The following SNTA1 variants were observed in gnomAD, a reference collection of about 807,000 sequenced individuals.
SNTA1 encodes the protein alpha-1-syntrophin.
Under a neutral mutation model 47.1 loss-of-function variants are expected in SNTA1, and 31 were observed. The ratio of observed to expected loss-of-function variants is 0.66; its 90% CI spans 0.49 to 0.89. The LOEUF (loss-of-function observed/expected upper bound fraction) is 0.89. SNTA1 is among the 40% of genes least tolerant of loss of function. The probability of loss-of-function intolerance (pLI) is 0.00; values close to 1 mark genes in which losing one functional copy is unlikely to be tolerated. For missense variants in SNTA1, 575 were observed against 693.0 expected (o/e 0.83, Z 1.91); for synonymous variants, 300 against 313.6 (o/e 0.96, Z 0.46).
At chr20:33,435,181 G>A (rs910593416) in intron 2 of SNTA1, among the ~76,000 whole-genome samples, 17 of 149,702 alleles carry the variant, frequency 1.1e-4, no homozygotes, top group African/African-American at 4.1e-4. Context: ...TAGTAGAGAC[G>A]GGGTTTCGCC....
chr20:33,443,204 C>T lies in SNTA1; in HGVS notation c.310+107G>A, dbSNP rs1329681966. ...CTGTTTCCTCAGACCCCCCTTACCC[C>T]CAGACAGGAAGCCTCCAGCTCCATG... On this transcript the variant is annotated intron_variant, in intron 1 of 7. Coordinates refer to ENST00000217381, the MANE Select transcript of SNTA1 (RefSeq NM_003098.3). 9.2e-6 allele frequency: 8 copies of T among 865,024 alleles called. No individual in the cohort carries two copies. The South Asian group carries it at 1.5e-4, about 16-fold the overall frequency. 53.6% of individuals were successfully genotyped at this position (865,024 alleles called of 1,614,324 possible).
intron 2 of SNTA1, among the ~76,000 whole-genome samples, chr20:33,429,366 A>AT (rs1990240738): frequency 9.3e-6 from 1 of 107,504 alleles, no homozygotes; most frequent in East Asian, 2.9e-4. Context: ...AAAAAAAAAA[A>AT]TTGGGTCAGG....
chr20:33,408,315 G>A lies in SNTA1; in HGVS notation c.*192C>T. On this transcript the variant is annotated 3_prime_UTR_variant, in exon 8 of 8. Coordinates refer to ENST00000217381, the MANE Select transcript of SNTA1 (RefSeq NM_003098.3). ...CAGGAAGGCCACCCCATCACAGGCA[G>A]AGTCCACTCTGTCCTGCGTCTGGGT... 1.6e-6 allele frequency: 1 copy of A among 626,866 alleles called. No individual in the cohort carries two copies. The highest frequency in any genetic ancestry group is 1.8e-5 in the South Asian group (1 of 56,174). 38.8% of individuals were successfully genotyped at this position (626,866 alleles called of 1,614,324 possible). A position where few individuals can be genotyped will look rare whatever the true frequency, so the allele number is the denominator to read the frequency against.
intron 2 of SNTA1, among the ~76,000 whole-genome samples, chr20:33,429,774 T>G (rs1990254382): frequency 6.6e-6 from 1 of 152,138 alleles, no homozygotes; most frequent in Non-Finnish European, 1.5e-5. Context: ...CCACTTATTT[T>G]TTTTTCGAGA....
Position 33,412,679 on chromosome 20 carries a change from T to C in SNTA1, c.805A>G (p.Asn269Asp). Reference protein sequence around the residue: ...SWATAIQAQVNTLTPRVKDEL... With the variant: ...SWATAIQAQVDTLTPRVKDEL... ...TCCTTGACCCGCGGCGTCAGAGTAT[T>C]GACCTGGGCTTGGATGGCAGTCGCC... Residue 269 changes from asparagine (N) to aspartate (D), a missense_variant, in exon 4 of 8, where the codon AAT becomes GAT. Coordinates refer to ENST00000217381, the MANE Select transcript of SNTA1 (RefSeq NM_003098.3). 6.2e-7 allele frequency: 1 copy of C among 1,613,884 alleles called. No homozygotes were observed. The highest frequency in any genetic ancestry group is 1.7e-5 in the Admixed American group (1 of 60,010).
chr20:33,438,538 T>C (rs1238955000), intron 2 of SNTA1, among the ~76,000 whole-genome samples: 1 of 152,196 alleles, frequency 6.6e-6, no homozygotes, highest in Non-Finnish European at 1.5e-5. Flanking sequence ...AGGCAGGAGC[T>C]ACATCCCTGT....
At chr20:33,421,090 T>G (rs1047790978) in intron 2 of SNTA1, among the ~76,000 whole-genome samples, 1 of 151,328 alleles carries the variant, frequency 6.6e-6, no homozygotes, top group Non-Finnish European at 1.5e-5. Context: ...GGAGGATCGC[T>G]TGAACCCAGC....
At position 33,443,437 on chromosome 20, in the gene SNTA1, C is replaced by T. The variant is rs1568764768; in HGVS notation, c.184G>A (p.Ala62Thr). Residue 62 changes from alanine (A) to threonine (T), a missense_variant, in exon 1 of 8, where the codon GCG becomes ACG. By Grantham distance (58) the Ala-to-Thr change is moderately conservative. Coordinates refer to ENST00000217381, the MANE Select transcript of SNTA1 (RefSeq NM_003098.3). ...EPGAPREQEP[A>T]QLNGAAEPGA... ...GGCTCCGCGGCGCCGTTGAGCTGCGCGGGCTCCTGCTCCCGCGGAGCGCCG... is the reference window on the plus strand; with the variant it reads ...GGCTCCGCGGCGCCGTTGAGCTGCGTGGGCTCCTGCTCCCGCGGAGCGCCG... 2.2e-6 allele frequency: 3 copies of T among 1,348,312 alleles called. No homozygotes were observed. The highest frequency in any genetic ancestry group is 2.8e-6 in the Non-Finnish European group (3 of 1,052,770). 83.5% of individuals were successfully genotyped at this position (1,348,312 alleles called of 1,614,324 possible).
chr20:33,421,676 C>T (rs1990025120), intron 2 of SNTA1, among the ~76,000 whole-genome samples: 2 of 151,360 alleles, frequency 1.3e-5, no homozygotes, highest in Non-Finnish European at 2.9e-5. Flanking sequence ...ATAACTACAG[C>T]CAGACATGGT....
chr20:33,437,610 A>C (rs1354143912), intron 2 of SNTA1, among the ~76,000 whole-genome samples: 2 of 152,184 alleles, frequency 1.3e-5, no homozygotes, highest in African/African-American at 4.8e-5. Context: ...CCTTTAGGGA[A>C]ACCAAGGCAA....
At chr20:33,415,319 G>C (rs929569854) in intron 3 of SNTA1, among the ~76,000 whole-genome samples, 4 of 152,200 alleles carry the variant, frequency 2.6e-5, no homozygotes, top group African/African-American at 9.6e-5. Flanking sequence ...AAGGTTCTAT[G>C]AGTCTCTAGA....
At chr20:33,427,234 T>C (rs555901120) in intron 2 of SNTA1, among the ~76,000 whole-genome samples, 1 of 152,232 alleles carries the variant, frequency 6.6e-6, no homozygotes, top group Admixed American at 6.6e-5. Context: ...AGGCATGTAA[T>C]GTGGTGACAG....
At chr20:33,436,045 T>G (rs1004789076) in intron 2 of SNTA1, among the ~76,000 whole-genome samples, 4 of 151,924 alleles carry the variant, frequency 2.6e-5, no homozygotes, top group African/African-American at 9.7e-5. Flanking sequence ...ATACAAAAAA[T>G]TAGCCAGGCG....
chr20:33,415,395 C>T (rs566079110), intron 3 of SNTA1, among the ~76,000 whole-genome samples: 112 of 152,216 alleles, frequency 7.4e-4, no homozygotes, highest in Non-Finnish European at 1.4e-3. Context: ...GGTGGCTCAC[C>T]CCTGTAATCC....
At chr20:33,412,458 TG>T (rs1989763979) in intron 4 of SNTA1, 32 bp from the exon 5 acceptor site, 1 of 1,607,228 alleles carries the variant, frequency 6.2e-7, no homozygotes, top group Non-Finnish European at 8.5e-7. Flanking sequence ...TGAGGATGGG[TG>T]GGGGAAGAGA....
chr20:33,433,899 C>G (rs1455524827), intron 2 of SNTA1, among the ~76,000 whole-genome samples: 1 of 152,146 alleles, frequency 6.6e-6, no homozygotes, highest in African/African-American at 2.4e-5. Flanking sequence ...TGAGGCTCAG[C>G]TGAGCCCCCA....
rs905087091 is a variant in SNTA1 at position 33,424,152 on chromosome 20, T to C, written c.497-6229A>G. On this transcript the variant is annotated intron_variant, in intron 2 of 7. Coordinates refer to ENST00000217381, the MANE Select transcript of SNTA1 (RefSeq NM_003098.3). Reference sequence around the variant, plus strand: ...CAACATGGTGAAACCCTGTCTCTACTAAAAATACAAAATTAGCTGGATGTG... The same window carrying C: ...CAACATGGTGAAACCCTGTCTCTACCAAAAATACAAAATTAGCTGGATGTG... Among the ~76,000 whole-genome samples the C allele has an allele frequency of 2.6e-5, 4 of 151,684 alleles. No homozygotes were observed. The East Asian group carries it at 7.8e-4, about 30-fold the overall frequency.
chr20:33,440,695 A>G (rs367872096), intron 1 of SNTA1, among the ~76,000 whole-genome samples: 1 of 150,680 alleles, frequency 6.6e-6, no homozygotes, highest in Admixed American at 6.6e-5. Flanking sequence ...GTGTGTGCCT[A>G]TAATTCCAGC....
chr20:33,436,156 G>T (rs1304496510), intron 2 of SNTA1, among the ~76,000 whole-genome samples: 3 of 151,994 alleles, frequency 2.0e-5, no homozygotes, highest in Non-Finnish European at 4.4e-5. Flanking sequence ...TCCCGCCACT[G>T]CACTCCAACC....
Sources: allele counts gnomAD v4.1 joint callset (sites outside exome capture counted in the v4.1 genomes callset), GRCh38; gene constraint gnomAD v4.1.1; transcripts MANE v1.5; gene names NCBI Gene and HGNC (gene_info 2026-07-23, HGNC 2026-07-21).